The following CHL1 variants were observed in gnomAD, a reference collection of about 807,000 sequenced individuals.
The protein encoded by CHL1 is neural cell adhesion molecule L1-like protein.
In CHL1, 96 loss-of-function variants were observed where a neutral mutation model predicts 141.9. The observed-to-expected ratio is 0.68, with a 90% CI of 0.57 to 0.80. The LOEUF is 0.80. Among genes scored for constraint, CHL1 ranks in the 30% least tolerant of loss-of-function variants. CHL1 has a pLI of 0.00. For synonymous variants in CHL1, 613 were observed against 502.2 expected (o/e 1.22, Z -2.95); for missense variants, 1,820 against 1,457.2 (o/e 1.25, Z -4.05).
chr3:333,414 A>C (rs1575092142), intron 5 of CHL1, among the ~76,000 whole-genome samples: 1 of 152,036 alleles, frequency 6.6e-6, no homozygotes, highest in East Asian at 1.9e-4. Context: ...TCTACTTCTC[A>C]ATCTCCTGTT....
intron 1 of CHL1, among the ~76,000 whole-genome samples, chr3:202,362 C>A (rs1035531378): frequency 6.6e-6 from 1 of 152,176 alleles, no homozygotes; most frequent in Non-Finnish European, 1.5e-5. Flanking sequence ...GAGCCATGAT[C>A]AATGGTGGTG....
At chr3:348,541 G>T (rs1332029398) in intron 9 of CHL1, among the ~76,000 whole-genome samples, 1 of 152,124 alleles carries the variant, frequency 6.6e-6, no homozygotes, top group African/African-American at 2.4e-5. Flanking sequence ...TTTTCATGAG[G>T]AGGGGTTTTT....
At chr3:397,759 T>G (rs989738513) in intron 24 of CHL1, among the ~76,000 whole-genome samples, 9 of 152,174 alleles carry the variant, frequency 5.9e-5, no homozygotes, top group Non-Finnish European at 1.0e-4. Flanking sequence ...ATTTCAAATA[T>G]TTAATATATG....
At chr3:341,280 A>T (rs9867559) in intron 6 of CHL1, among the ~76,000 whole-genome samples, 8,696 of 152,232 alleles carry the variant, frequency 0.057, 852 homozygotes, top group African/African-American at 0.2. Context: ...TGATCTGAAA[A>T]TCTAGCTTTG....
At chr3:347,736 A>G (rs577224528) in intron 9 of CHL1, among the ~76,000 whole-genome samples, 3 of 152,254 alleles carry the variant, frequency 2.0e-5, no homozygotes, top group African/African-American at 7.2e-5. Flanking sequence ...AGGAGACTTG[A>G]GCTATGCATC....
intron 2 of CHL1, chr3:247,909 T>C (rs930839684): frequency 2.0e-5 from 3 of 152,128 alleles, no homozygotes; most frequent in Admixed American, 2.0e-4. Flanking sequence ...CCTTTTTTTT[T>C]CTTTCCCATG....
chr3:404,831 AC>A lies in CHL1; in HGVS notation c.3459-663del, dbSNP rs530294327. ...TTCTCTGTCTGAGTCCATTAGGGCT[AC>A]TATAACAAAATACCATAAGCTGGGT... On this transcript the variant is annotated intron_variant, in intron 27 of 27. Coordinates refer to ENST00000256509, the MANE Select transcript of CHL1 (RefSeq NM_006614.4). Among the ~76,000 whole-genome samples the A allele has an allele frequency of 1.1e-3, 174 of 152,312 alleles. 1 individual carries two copies. The highest frequency in any genetic ancestry group is 3.9e-3 in the African/African-American group (164 of 41,570).
intron 2 of CHL1, among the ~76,000 whole-genome samples, chr3:250,234 G>A (rs1405659468): frequency 2.0e-5 from 3 of 151,916 alleles, no homozygotes; most frequent in Non-Finnish European, 4.4e-5. Flanking sequence ...CAAATTGCTG[G>A]GATTACAAGC....
intron 5 of CHL1, among the ~76,000 whole-genome samples, chr3:339,684 G>A (rs1395390851): frequency 6.6e-6 from 1 of 152,216 alleles, no homozygotes; most frequent in Non-Finnish European, 1.5e-5. Flanking sequence ...TAAGAGAAAT[G>A]TCAGCAAATT....
chr3:246,537 G>A (rs560745957), intron 2 of CHL1: 56 of 152,088 alleles, frequency 3.7e-4, no homozygotes, highest in African/African-American at 1.3e-3. Context: ...ACACAAACAC[G>A]CATTTACCTA....
intron 2 of CHL1, among the ~76,000 whole-genome samples, chr3:284,489 C>A (rs1056104998): frequency 4.6e-5 from 7 of 152,102 alleles, no homozygotes; most frequent in Admixed American, 4.6e-4. Context: ...AGAAGTCTGA[C>A]GTTTTTTATT....
Position 382,483 on chromosome 3 carries a change from T to C in CHL1, c.1988T>C (p.Val663Ala), listed in dbSNP as rs1016882616. The change falls in exon 18 of 28, where the codon GTT becomes GCT. Residue 663 changes from valine (V) to alanine (A), a missense_variant. Physicochemically the swap from Val to Ala is moderately conservative, Grantham distance 64. Coordinates refer to ENST00000256509, the MANE Select transcript of CHL1 (RefSeq NM_006614.4). ...CTGTTTATACTACCAGAGTATATTG[T>C]TGAATTTGAAGGAAACAAAGAAGAG... Reference protein sequence around the residue: ...DHNSNISEYIVEFEGNKEEPG... With the variant: ...DHNSNISEYIAEFEGNKEEPG... 4 of 1,613,352 alleles carry C rather than the reference T, an allele frequency of 2.5e-6. No homozygotes were observed. Among genetic ancestry groups the C allele is most frequent in the African/African-American group, 2.7e-5 (2 of 74,898 alleles).
chr3:383,825 G>A lies in CHL1; in HGVS notation c.2186G>A (p.Arg729Lys). Residue 729 changes from arginine (R) to lysine (K), a missense_variant, in exon 19 of 28, where the codon AGG becomes AAG. Transcript: ENST00000256509. ...GTTTTTAATTTTTCAGCTCCAGATAGGAATCCACAAAACATAAGGGTTCAA... is the reference window on the plus strand; with the variant it reads ...GTTTTTAATTTTTCAGCTCCAGATAAGAATCCACAAAACATAAGGGTTCAA... ...HHETPPAAPD[R>K]NPQNIRVQAS... The A allele has an allele frequency of 6.2e-7, 1 of 1,609,324 alleles. No homozygotes were observed. Among genetic ancestry groups the A allele is most frequent in the South Asian group, 1.1e-5 (1 of 90,728 alleles).
At chr3:289,432 TC>T (rs1464020897) in intron 2 of CHL1, among the ~76,000 whole-genome samples, 2 of 131,614 alleles carry the variant, frequency 1.5e-5, no homozygotes, top group African/African-American at 4.5e-5. Flanking sequence ...CATTAATAAT[TC>T]ACAATATGAG....
intron 5 of CHL1, 142 bp downstream of exon 5, chr3:328,496 T>C (rs1701183482): frequency 4.9e-6 from 3 of 613,372 alleles, no homozygotes; most frequent in Non-Finnish European, 7.7e-6. Flanking sequence ...AAGGAAAAAT[T>C]TCCTCCAGGT....
At chr3:199,674 C>G (rs1698741434) in intron 1 of CHL1, among the ~76,000 whole-genome samples, 1 of 152,166 alleles carries the variant, frequency 6.6e-6, no homozygotes, top group Admixed American at 6.5e-5. Context: ...TGACAGATGT[C>G]ACCATCACAA....
At chr3:208,414 A>G (rs1341936969) in intron 1 of CHL1, among the ~76,000 whole-genome samples, 1 of 151,468 alleles carries the variant, frequency 6.6e-6, no homozygotes, top group Non-Finnish European at 1.5e-5. Context: ...GAGAGACAGA[A>G]AGGAGTGTGT....
chr3:353,560 T>G (rs1226723958), intron 10 of CHL1, among the ~76,000 whole-genome samples: 2 of 152,202 alleles, frequency 1.3e-5, no homozygotes, highest in Admixed American at 6.5e-5. Context: ...ACAAAGGCAC[T>G]TATCTCACTT....
At position 328,187 on chromosome 3, in the gene CHL1, G is replaced by A. The variant is rs776135946; in HGVS notation, c.218G>A (p.Gly73Asp). Residue 73 changes from glycine to aspartate, a missense_variant, in exon 5 of 28, where the codon GGC becomes GAC. Coordinates refer to ENST00000256509, the MANE Select transcript of CHL1 (RefSeq NM_006614.4). ...TTTAGATTTTCGTGGACTAAGGATG[G>A]CAACCCTTTTTATTTCACTGACCAT... ...PEPTFSWTKDGNPFYFTDHRI... is the reference protein window; with the variant it reads ...PEPTFSWTKDDNPFYFTDHRI... The A allele has an allele frequency of 1.2e-6, 2 of 1,605,956 alleles. No homozygotes were observed. The highest frequency in any genetic ancestry group is 2.2e-5 in the South Asian group (2 of 89,548).
Sources: gnomAD v4.1 joint callset for allele counts (sites outside exome capture counted in the v4.1 genomes callset) on GRCh38, gnomAD v4.1.1 for gene constraint, MANE v1.5 for transcripts, NCBI Gene and HGNC (gene_info 2026-07-23, HGNC 2026-07-21) for gene names.